RYR3: variants seen among roughly 807,000 people sequenced by gnomAD.
RYR3 encodes ryanodine receptor 3.
Under a neutral mutation model 584.3 loss-of-function variants are expected in RYR3, and 207 were observed. The ratio of observed to expected loss-of-function variants is 0.35; its 90% CI spans 0.32 to 0.40. RYR3 has a LOEUF of 0.40. Among genes scored for constraint, RYR3 ranks in the 10% least tolerant of loss-of-function variants. RYR3 has a pLI of 1.00. For synonymous variants in RYR3, 2,416 were observed against 2,248.5 expected, an observed-to-expected ratio of 1.07 and a Z score of -2.11; for missense variants, 5,616 against 6,089.2, an observed-to-expected ratio of 0.92 and a Z score of 2.59.
At chr15:33,531,674 G>C (rs1487711814) in intron 4 of RYR3, among the ~76,000 whole-genome samples, 1 of 151,296 alleles carries the variant, frequency 6.6e-6, no homozygotes, top group Non-Finnish European at 1.5e-5. Context: ...CTGGTAAGAG[G>C]CTGACCTTTT....
intron 43 of RYR3, among the ~76,000 whole-genome samples, chr15:33,717,490 G>C (rs1420476524): frequency 6.6e-6 from 1 of 151,984 alleles, no homozygotes; most frequent in African/African-American, 2.4e-5. Flanking sequence ...TGTTGATTCA[G>C]CATCTAAAAG....
intron 32 of RYR3, among the ~76,000 whole-genome samples, chr15:33,653,927 C>T (rs1170047398): frequency 6.6e-6 from 1 of 152,066 alleles, no homozygotes; most frequent in Non-Finnish European, 1.5e-5. Flanking sequence ...CAGAAAGAAA[C>T]CTATGTAACC....
chr15:33,803,808 C>T (rs1447611321), intron 69 of RYR3, among the ~76,000 whole-genome samples: 1 of 152,224 alleles, frequency 6.6e-6, no homozygotes, highest in African/African-American at 2.4e-5. Context: ...AGCCACAGCT[C>T]CCGGCCTTAT....
chr15:33,562,212 T>C (rs1175530118), intron 10 of RYR3, among the ~76,000 whole-genome samples: 1 of 152,122 alleles, frequency 6.6e-6, no homozygotes, highest in Non-Finnish European at 1.5e-5. Context: ...CACTGGAGAA[T>C]AGGCAATGAA....
chr15:33,690,255 A>G (rs2065320514), intron 38 of RYR3, among the ~76,000 whole-genome samples: 1 of 152,198 alleles, frequency 6.6e-6, no homozygotes, highest in Non-Finnish European at 1.5e-5. Context: ...GCATAATACA[A>G]GCCTGGCTCC....
chr15:33,750,071 G>T lies in RYR3; in HGVS notation c.8275+17G>T, dbSNP rs750088923. On this transcript the variant is annotated intron_variant, in intron 56 of 103. Transcript: ENST00000634891. ...AGAGCAAAGGTGAGTGAGGTTCACA[G>T]CATCCCCTAAAGAAGCTGAACCGGG... 2 of 1,610,008 alleles carry T rather than the reference G, an allele frequency of 1.2e-6. No homozygotes were observed. The highest frequency in any genetic ancestry group is 1.7e-6 in the Non-Finnish European group (2 of 1,178,174).
chr15:33,705,774 T>C (rs1263344507), intron 42 of RYR3, among the ~76,000 whole-genome samples: 1 of 152,210 alleles, frequency 6.6e-6, no homozygotes. Flanking sequence ...CTGTTGTGGA[T>C]GCAGAACGAG....
At chr15:33,860,088 G>T (rs920684984) in intron 100 of RYR3, among the ~76,000 whole-genome samples, 10 of 151,716 alleles carry the variant, frequency 6.6e-5, no homozygotes, top group African/African-American at 2.4e-4. Flanking sequence ...GAGCTGGACA[G>T]TGCAGGGGAG....
intron 52 of RYR3, among the ~76,000 whole-genome samples, chr15:33,742,770 G>T (rs1278448443): frequency 6.6e-6 from 1 of 151,888 alleles, no homozygotes; most frequent in Non-Finnish European, 1.5e-5. Context: ...GAATGGGAAG[G>T]CTGCTATTTA....
Position 33,539,380 on chromosome 15 carries a change from C to T in RYR3, c.464C>T (p.Ala155Val). 1.3e-6 allele frequency: 2 copies of T among 1,599,064 alleles called. No homozygotes were observed. The highest frequency in any genetic ancestry group is 1.7e-6 in the Non-Finnish European group (2 of 1,172,300). The change falls in exon 6 of 104, where the codon GCT becomes GTT. Residue 155 changes from alanine (A) to valine (V), a missense_variant. Physicochemically the swap from Ala to Val is moderately conservative, Grantham distance 64. Transcript: ENST00000634891. ...GEACWWTIHP[A>V]SKQRSEGEKV... The stretch of plus-strand genomic sequence containing the variant: ...GCCTGTTGGTGGACTATACATCCTG[C>T]TTCCAAACAGAGGTCCGAAGGAGAG...
At chr15:33,625,990 G>A (rs1158890767) in intron 20 of RYR3, among the ~76,000 whole-genome samples, 1 of 152,124 alleles carries the variant, frequency 6.6e-6, no homozygotes, top group Non-Finnish European at 1.5e-5. Context: ...CTCCTTCATA[G>A]ACAAGAAGCT....
Position 33,330,376 on chromosome 15 carries a change from C to T in RYR3, c.51+19280C>T, listed in dbSNP as rs796680753. On this transcript the variant is annotated intron_variant, in intron 1 of 103. Transcript: ENST00000634891. ...ATCCCCCTGTCTGAAGTAGTCTCTT[C>T]ATTGGAGCAGTTGCCATCATGCCAT... Among the ~76,000 whole-genome samples the T allele has an allele frequency of 2.6e-5, 4 of 152,304 alleles. No homozygotes were observed. The East Asian group carries it at 5.8e-4, about 22-fold the overall frequency.
intron 16 of RYR3, among the ~76,000 whole-genome samples, chr15:33,587,707 T>A (rs967711313): frequency 6.6e-6 from 1 of 152,262 alleles, no homozygotes; most frequent in East Asian, 1.9e-4. Flanking sequence ...TCAAAGACGT[T>A]CCTTTTCCAT....
chr15:33,853,349 C>A (rs1374103595), intron 95 of RYR3, among the ~76,000 whole-genome samples: 1 of 152,190 alleles, frequency 6.6e-6, no homozygotes, highest in Non-Finnish European at 1.5e-5. Context: ...ATCAAGATAT[C>A]AGTATCAGCT....
In RYR3 at chr15:33,785,681, G is replaced by C. The variant is rs756969948; in HGVS notation, c.9288G>C (p.Thr3096=). 1.9e-6 allele frequency: 3 copies of C among 1,603,246 alleles called. No individual in the cohort carries two copies. The East Asian group carries it at 6.7e-5, about 36-fold the overall frequency. The change falls in exon 66 of 104, where the codon ACG becomes ACC. Residue 3096 remains threonine, a synonymous_variant. Transcript: ENST00000634891. ...AATCAGTTCTGGGGATGCCAGACAC[G>C]GTAGAAGACATGTGTCCTGACATCC... ...RERSILGMPD[T]VEDMCPDIPQ... is the part of the protein sequence containing the mutation.
Position 33,390,689 on chromosome 15 carries a change from C to G in RYR3, c.51+79593C>G, listed in dbSNP as rs1049582369. Among the ~76,000 whole-genome samples, 4 of 152,108 alleles carry G rather than the reference C, an allele frequency of 2.6e-5. No individual in the cohort carries two copies. Among genetic ancestry groups the G allele is most frequent in the African/African-American group, 9.7e-5 (4 of 41,418 alleles). ...TAAGAAATCAGAGTGGTTCACTCTG[C>G]GTAGATTGTTTGCACAAACAATGTG... On this transcript the variant is annotated intron_variant, in intron 1 of 103. Coordinates refer to ENST00000634891, the MANE Select transcript of RYR3 (RefSeq NM_001036.6). The surrounding 1 kb of genome is among the most constrained non-coding windows in gnomAD (Gnocchi z 4.2).
chr15:33,503,339 T>C (rs2052170819), intron 2 of RYR3, among the ~76,000 whole-genome samples: 2 of 152,064 alleles, frequency 1.3e-5, no homozygotes, highest in African/African-American at 2.4e-5. Flanking sequence ...TCCCTTCCTC[T>C]CCCTTCTTTG....
At chr15:33,522,372 C>A (rs1485533842) in intron 3 of RYR3, among the ~76,000 whole-genome samples, 1 of 152,166 alleles carries the variant, frequency 6.6e-6, no homozygotes, top group East Asian at 1.9e-4. Context: ...CTGTGAAGGA[C>A]CTGTACTGCT....
chr15:33,628,841 G>C (rs1217880192), intron 21 of RYR3, among the ~76,000 whole-genome samples: 1 of 152,182 alleles, frequency 6.6e-6, no homozygotes, highest in Non-Finnish European at 1.5e-5. Flanking sequence ...ATCTCTGTAT[G>C]GGTAGTGAAA....
Sources: gnomAD v4.1 joint callset for allele counts (sites outside exome capture counted in the v4.1 genomes callset) on GRCh38, gnomAD v4.1.1 for gene constraint, Gnocchi (gnomAD v3.1) non-coding constraint, MANE v1.5 for transcripts, NCBI Gene and HGNC (gene_info 2026-07-23, HGNC 2026-07-21) for gene names.